Variants in ADAM12 observed in about 807,000 individuals in gnomAD.
ADAM12 encodes ADAM metallopeptidase domain 12.
ADAM12 carries 70 observed loss-of-function variants against 106.4 expected under a neutral mutation model. The observed-to-expected ratio is 0.66, with a 90% confidence interval of 0.54 to 0.80. The LOEUF is 0.80. ADAM12 is among the 30% of genes least tolerant of loss of function. The pLI is 0.00. For synonymous variants in ADAM12, 420 were observed against 433.5 expected, an observed-to-expected ratio of 0.97 and a Z score of 0.39; for missense variants, 1,010 against 1,171.9, an observed-to-expected ratio of 0.86 and a Z score of 2.02.
intron 11 of ADAM12, among the ~76,000 whole-genome samples, chr10:126,092,505 T>A (rs1246528119): frequency 6.6e-6 from 1 of 152,252 alleles, no homozygotes; most frequent in Non-Finnish European, 1.5e-5. Context: ...ACACCTTTAG[T>A]GACTAGGAAC....
chr10:126,318,502 A>G (rs1853968635), intron 2 of ADAM12, among the ~76,000 whole-genome samples: 1 of 145,478 alleles, frequency 6.9e-6, no homozygotes, highest in Non-Finnish European at 1.5e-5. Context: ...TCAGAGCCAC[A>G]CTCTCTCACA....
Position 126,015,036 on chromosome 10 carries a change from T to C in ADAM12, c.*2243A>G, listed in dbSNP as rs1334317906. 6.6e-6 allele frequency: 1 copy of C among 152,180 alleles called. No homozygotes were observed. The highest frequency in any genetic ancestry group is 1.5e-5 in the Non-Finnish European group (1 of 68,036). 9.4% of individuals were successfully genotyped at this position (152,180 alleles called of 1,614,324 possible). A position where few individuals can be genotyped will look rare whatever the true frequency, so the allele number is the denominator to read the frequency against. The stretch of plus-strand genomic sequence containing the variant: ...CTTGGAAGGATTAATACTGTCCATA[T>C]TGTAAGGGAATATTAGTTTAAATAT... On this transcript the variant is annotated 3_prime_UTR_variant, in exon 23 of 23. Coordinates refer to ENST00000448723, the MANE Select transcript of ADAM12 (RefSeq NM_001288973.2).
intron 2 of ADAM12, among the ~76,000 whole-genome samples, chr10:126,314,638 C>G (rs978779379): frequency 1.3e-5 from 2 of 152,138 alleles, no homozygotes; most frequent in African/African-American, 2.4e-5. Flanking sequence ...ATTTTCAAAC[C>G]TTGTCTAAAA....
chr10:126,220,753 G>A (rs1958075213), intron 3 of ADAM12, among the ~76,000 whole-genome samples: 1 of 152,210 alleles, frequency 6.6e-6, no homozygotes, highest in African/African-American at 2.4e-5. Context: ...TACCCAATGT[G>A]AGCAGTTGGA....
intron 4 of ADAM12, among the ~76,000 whole-genome samples, chr10:126,150,906 C>A (rs983639412): frequency 1.1e-4 from 16 of 152,118 alleles, no homozygotes; most frequent in Non-Finnish European, 1.8e-4. Context: ...CTTTTAAAGA[C>A]CCAGATTAAT....
At chr10:126,344,343 T>C (rs1055817242) in intron 1 of ADAM12, among the ~76,000 whole-genome samples, 1 of 152,188 alleles carries the variant, frequency 6.6e-6, no homozygotes, top group Non-Finnish European at 1.5e-5. Flanking sequence ...AGATGTGTGG[T>C]ATTATTTCTG....
chr10:126,198,696 CA>C (rs1270343573), intron 3 of ADAM12, among the ~76,000 whole-genome samples: 1 of 152,340 alleles, frequency 6.6e-6, no homozygotes, highest in Non-Finnish European at 1.5e-5. Context: ...AGCAAATGAA[CA>C]ACCATTACAA....
chr10:126,058,539 G>A (rs1417289401), intron 14 of ADAM12, among the ~76,000 whole-genome samples: 1 of 152,230 alleles, frequency 6.6e-6, no homozygotes, highest in Non-Finnish European at 1.5e-5. Context: ...AGTTAAGGAA[G>A]AAAACTTATA....
chr10:126,039,243 A>G lies in ADAM12; in HGVS notation c.2240+51T>C, dbSNP rs770691611. The G allele has an allele frequency of 2.5e-6, 4 of 1,603,040 alleles. No individual in the cohort carries two copies. In the East Asian group the frequency reaches 6.7e-5, roughly 27 times the overall value. ...ATTACAGGCTTGAGCCACCGCACCC[A>G]GCCTCTGAGCCACCATTTCTAGAAC... On this transcript the variant is annotated intron_variant, in intron 19 of 22. Transcript: ENST00000448723.
intron 5 of ADAM12, among the ~76,000 whole-genome samples, chr10:126,121,273 T>C (rs1565074309): frequency 8.9e-6 from 1 of 112,484 alleles, no homozygotes; most frequent in Non-Finnish European, 1.6e-5. Flanking sequence ...TTATATAATA[T>C]ATAATATACT....
chr10:126,073,279 G>A (rs369804134), intron 11 of ADAM12, among the ~76,000 whole-genome samples: 1 of 152,206 alleles, frequency 6.6e-6, no homozygotes, highest in African/African-American at 2.4e-5. Context: ...GTAGAGATGG[G>A]GTTTCACCAT....
intron 2 of ADAM12, among the ~76,000 whole-genome samples, chr10:126,281,416 T>C (rs974117040): frequency 5.9e-5 from 9 of 152,286 alleles, no homozygotes; most frequent in African/African-American, 2.2e-4. Flanking sequence ...ATATCCCTTT[T>C]CCCCCAAAGA....
At chr10:126,195,246 T>C (rs1392947549) in intron 3 of ADAM12, among the ~76,000 whole-genome samples, 1 of 152,198 alleles carries the variant, frequency 6.6e-6, no homozygotes, top group Non-Finnish European at 1.5e-5. Flanking sequence ...AGATTTTAAG[T>C]GTTCTCACCA....
chr10:126,270,636 T>A (rs1959170312), intron 3 of ADAM12, among the ~76,000 whole-genome samples: 1 of 152,240 alleles, frequency 6.6e-6, no homozygotes. Flanking sequence ...GCCCTATGGC[T>A]GGGGATTCTG....
At chr10:126,368,071 G>A (rs1855974010) in intron 1 of ADAM12, among the ~76,000 whole-genome samples, 1 of 152,012 alleles carries the variant, frequency 6.6e-6, no homozygotes, top group South Asian at 2.1e-4. Context: ...GTATATGTGT[G>A]CATGTGTATG....
chr10:126,153,842 T>C (rs907213972), intron 4 of ADAM12, among the ~76,000 whole-genome samples: 5 of 152,216 alleles, frequency 3.3e-5, no homozygotes, highest in African/African-American at 1.2e-4. Flanking sequence ...GTCAATATCT[T>C]GACTGGGAAT....
At chr10:126,186,514 T>C (rs1722830586) in intron 3 of ADAM12, among the ~76,000 whole-genome samples, 1 of 152,342 alleles carries the variant, frequency 6.6e-6, no homozygotes, top group African/African-American at 2.4e-5. Flanking sequence ...CTGTATTCAC[T>C]TGAACAAAGG....
At chr10:126,373,160 A>G (rs1043237340) in intron 1 of ADAM12, among the ~76,000 whole-genome samples, 4 of 152,178 alleles carry the variant, frequency 2.6e-5, no homozygotes, top group Admixed American at 2.6e-4. Context: ...TCCATTGTAC[A>G]ATCTTCTTTG....
chr10:126,356,679 GAAT>G (rs2133895348), intron 1 of ADAM12, among the ~76,000 whole-genome samples: 1 of 152,162 alleles, frequency 6.6e-6, no homozygotes, highest in East Asian at 1.9e-4. Context: ...AAAGAATTCA[GAAT>G]AATCCTCTTA....
Sources: allele counts gnomAD v4.1 joint callset (sites outside exome capture counted in the v4.1 genomes callset), GRCh38; gene constraint gnomAD v4.1.1; transcripts MANE v1.5; gene names NCBI Gene and HGNC (gene_info 2026-07-23, HGNC 2026-07-21).